The following DENND2D variants were observed in gnomAD, a reference collection of about 807,000 sequenced individuals.
The protein encoded by DENND2D is DENN domain-containing protein 2D.
Under a neutral mutation model 59.8 loss-of-function variants are expected in DENND2D, and 37 were observed. The ratio of observed to expected loss-of-function variants is 0.62; its 90% confidence interval spans 0.48 to 0.81. DENND2D has a LOEUF of 0.81. Ranked by LOEUF, DENND2D falls within the 40% of genes least tolerant of loss-of-function variation. The pLI is 0.00. For missense variants in DENND2D, 525 were observed against 579.7 expected, an observed-to-expected ratio of 0.91 and a Z score of 0.97; for synonymous variants, 219 against 211.3, an observed-to-expected ratio of 1.04 and a Z score of -0.31.
rs569497483 is a variant in DENND2D at position 111,198,057 on chromosome 1, A to G, written c.357-68T>C. The G allele has an allele frequency of 6.5e-6, 10 of 1,527,102 alleles. No individual in the cohort carries two copies. In the African/African-American group the frequency reaches 1.2e-4, roughly 19 times the overall value. The allele number at this position is 1,527,102 out of a possible 1,614,324, so 94.6% of individuals were successfully genotyped here. On this transcript the variant is annotated intron_variant, in intron 3 of 11. Transcript: ENST00000357640. ...ATCCTAAAACAGGAAAGTGGTCAGCACTAGAGGGTGGAGAGGAGGGCAAAG... is the reference window on the plus strand; with the variant it reads ...ATCCTAAAACAGGAAAGTGGTCAGCGCTAGAGGGTGGAGAGGAGGGCAAAG...
chr1:111,204,248 C>T (rs943106406), upstream of DENND2D: 1 of 1,448,606 alleles, frequency 6.9e-7, no homozygotes, highest in African/African-American at 1.5e-5. Flanking sequence ...AGCCCCGGCT[C>T]CCCGGTGCCC....
intron 1 of DENND2D, 111 bp from the exon 2 acceptor site, chr1:111,199,909 A>C: frequency 7.4e-7 from 1 of 1,360,494 alleles, no homozygotes; most frequent in Non-Finnish European, 1.0e-6. Flanking sequence ...GCCAATGCTG[A>C]GATACCTGGA....
At position 111,200,616 on chromosome 1, in the gene DENND2D, T is replaced by C. The variant is rs567612369; in HGVS notation, c.-157A>G. ...AGAGAGGGAATAGAAGTTTCCATCC[T>C]GTGCACCCAGTGGTTGAGCAAGAAG... On this transcript the variant is annotated 5_prime_UTR_variant, in exon 1 of 12. Transcript: ENST00000357640. 2.8e-6 allele frequency: 4 copies of C among 1,441,296 alleles called. No homozygotes were observed. In the South Asian group the frequency reaches 5.2e-5, roughly 19 times the overall value. 89.3% of individuals were successfully genotyped at this position (1,441,296 alleles called of 1,614,324 possible).
intron 8 of DENND2D, among the ~76,000 whole-genome samples, chr1:111,191,190 C>T (rs1657731526): frequency 6.6e-6 from 1 of 152,184 alleles, no homozygotes; most frequent in Non-Finnish European, 1.5e-5. Flanking sequence ...GGCATGTGTA[C>T]TCAGCAGTCC....
rs201354461 is a variant in DENND2D, at chr1:111,189,729, AT to A, written c.973-477del. Among the ~76,000 whole-genome samples the A allele has an allele frequency of 5.9e-3, 894 of 152,184 alleles. 12 individuals carry two copies. The highest frequency in any genetic ancestry group is 0.02 in the African/African-American group (842 of 41,504). On this transcript the variant is annotated intron_variant, in intron 8 of 11. Transcript: ENST00000357640. The stretch of plus-strand genomic sequence containing the variant: ...TACTATGCTGCTAATAAGAGAACCA[AT>A]TTTTTTCCAAGCCTAGACTGATATT...
intron 8 of DENND2D, among the ~76,000 whole-genome samples, chr1:111,190,248 C>T (rs796733470): frequency 1.3e-5 from 2 of 150,436 alleles, no homozygotes; most frequent in African/African-American, 4.9e-5. Flanking sequence ...CCAGGGTCAA[C>T]AGGAAGAGGA....
At chr1:111,203,854 C>T (rs1414629550), upstream of DENND2D, among the ~76,000 whole-genome samples, 1 of 152,150 alleles carries the variant, frequency 6.6e-6, no homozygotes, top group African/African-American at 2.4e-5. Flanking sequence ...GGGGCGCTGG[C>T]TCCGAGGAAC....
At chr1:111,191,363 G>A (rs1354679108) in intron 8 of DENND2D, among the ~76,000 whole-genome samples, 2 of 152,186 alleles carry the variant, frequency 1.3e-5, no homozygotes, top group Non-Finnish European at 2.9e-5. Flanking sequence ...GTTATCTCTT[G>A]GAGTGAGTCA....
intron 8 of DENND2D, among the ~76,000 whole-genome samples, chr1:111,190,384 C>T (rs1013197630): frequency 2.0e-5 from 3 of 152,128 alleles, no homozygotes; most frequent in Admixed American, 6.5e-5. Context: ...CAGTCTAGAC[C>T]AGAGATTACA....
chr1:111,202,442 T>A (rs1013062779), upstream of DENND2D: 1 of 152,178 alleles, frequency 6.6e-6, no homozygotes, highest in Non-Finnish European at 1.5e-5. Flanking sequence ...TAATCTCCAG[T>A]GCCCTAGAAA....
In DENND2D at chr1:111,198,669, G is replaced by A. The variant is rs1658489681; in HGVS notation, c.317C>T (p.Pro106Leu). The A allele has an allele frequency of 6.2e-7, 1 of 1,614,156 alleles. No homozygotes were observed. The change falls in exon 3 of 12, where the codon CCA (proline) becomes CTA (leucine). Residue 106 changes from proline (P) to leucine (L), a missense_variant. Physicochemically the swap from Pro to Leu is moderately conservative, Grantham distance 98 (BLOSUM62 -3). This residue lies in a region of DENND2D where 253 missense variants were observed against 246.4 expected (regional missense o/e 1.03). Coordinates refer to ENST00000357640, the MANE Select transcript of DENND2D (RefSeq NM_024901.5). ...GAGTGATGCCCACTCATTCCCATCTGGGAAGCAGAACAAGGGGATAGCTTT... is the reference window on the plus strand; with the variant it reads ...GAGTGATGCCCACTCATTCCCATCTAGGAAGCAGAACAAGGGGATAGCTTT... ...LLKAIPLFCF[P>L]DGNEWASLTE...
chr1:111,198,617 G>A lies in DENND2D; in HGVS notation c.356+13C>T. The stretch of plus-strand genomic sequence containing the variant: ...CCCAAATCCAATACCCTTGCCCAGG[G>A]CTGAGCAATTACCTGGGATACTCGG... On this transcript the variant is annotated intron_variant, in intron 3 of 11. Transcript: ENST00000357640. The A allele has an allele frequency of 1.9e-6, 3 of 1,610,110 alleles. No individual in the cohort carries two copies. Among genetic ancestry groups the A allele is most frequent in the Non-Finnish European group, 2.5e-6 (3 of 1,176,510 alleles).
In DENND2D at chr1:111,194,705, G is replaced by A. The variant is rs1658058892; in HGVS notation, c.667C>T (p.Leu223=). 5 of 1,613,990 alleles carry A rather than the reference G, an allele frequency of 3.1e-6. No homozygotes were observed. The African/African-American group carries it at 6.7e-5, about 22-fold the overall frequency. The change falls in exon 7 of 12, where the codon CTG becomes TTG. Residue 223 remains leucine, a synonymous_variant. Coordinates refer to ENST00000357640, the MANE Select transcript of DENND2D (RefSeq NM_024901.5). ...TCCACATGTTCTAGGTGGGAGTCCAGGGGCCGTGTCAGTGAAATGAACTGT... is the reference window on the plus strand; with the variant it reads ...TCCACATGTTCTAGGTGGGAGTCCAAGGGCCGTGTCAGTGAAATGAACTGT... ...GTEFISLTRP[L]DSHLEHVDFS... is the part of the protein sequence containing the mutation.
chr1:111,192,105 G>A (rs905376736), intron 8 of DENND2D, 35 bp downstream of exon 8: 2 of 1,516,274 alleles, frequency 1.3e-6, no homozygotes, highest in South Asian at 2.6e-5. Flanking sequence ...ACTCTACCTG[G>A]CTCCAAATCA....
rs200932462 is a variant in DENND2D at position 111,194,598 on chromosome 1, G to A, written c.774C>T (p.Ile258=). 3.1e-6 allele frequency: 5 copies of A among 1,614,094 alleles called. No homozygotes were observed. Among genetic ancestry groups the A allele is most frequent in the Admixed American group, 3.3e-5 (2 of 60,018 alleles). ...CCCACCTGAGACCTTCCGCCAGGAA[G>A]ATGATTTTTCTCTCCAGCACGGCAG... The part of the protein sequence containing the change: ...FASAVLERKI[I]FLAEGLSTLS... The change falls in exon 7 of 12, where the codon ATC becomes ATT. Residue 258 remains isoleucine (I), a synonymous_variant. Coordinates refer to ENST00000357640, the MANE Select transcript of DENND2D (RefSeq NM_024901.5).
At chr1:111,202,700 C>CACACAT (rs1658925737), upstream of DENND2D, among the ~76,000 whole-genome samples, 1 of 150,816 alleles carries the variant, frequency 6.6e-6, no homozygotes, top group Non-Finnish European at 1.5e-5. Context: ...CCAGGATACA[C>CACACAT]ACACACACAC....
rs764291257 is a variant in DENND2D, at chr1:111,199,765, T to A, written c.101A>T (p.Lys34Met). 6.2e-7 allele frequency: 1 copy of A among 1,614,116 alleles called. No homozygotes were observed. Among genetic ancestry groups the A allele is most frequent in the East Asian group, 2.2e-5 (1 of 44,874 alleles). Residue 34 changes from lysine (K) to methionine (M), a missense_variant, in exon 2 of 12, where the codon AAG (lysine) becomes ATG (methionine). By Grantham distance (95) the Lys-to-Met change is moderately conservative. Transcript: ENST00000357640. ...GTGCTCCTGGGCCCTTTCTGGTTCC[T>A]TTAAAGCTTCCCCTGAATTGTCCTG... is the stretch of plus-strand genomic sequence containing the variant. ...PPQDNSGEALKEPERAQEHSL... is the reference protein window; with the variant it reads ...PPQDNSGEALMEPERAQEHSL...
chr1:111,201,753 G>A (rs545070024), upstream of DENND2D, among the ~76,000 whole-genome samples: 7 of 152,320 alleles, frequency 4.6e-5, no homozygotes, highest in South Asian at 1.4e-3. Context: ...GCTAGGATAG[G>A]GAAAACAGCT....
At chr1:111,201,698 G>T (rs1479920919), upstream of DENND2D, among the ~76,000 whole-genome samples, 4 of 152,204 alleles carry the variant, frequency 2.6e-5, no homozygotes, top group African/African-American at 9.7e-5. Flanking sequence ...GCCAGTGTTT[G>T]CCACTCCTGC....
Sources: gnomAD v4.1 joint callset for allele counts (sites outside exome capture counted in the v4.1 genomes callset) on GRCh38, gnomAD v4.1.1 for gene constraint, gnomAD v4.1.1 regional missense constraint, MANE v1.5 for transcripts, NCBI Gene and HGNC (gene_info 2026-07-23, HGNC 2026-07-21) for gene names.